Variants in ANAPC10 observed in about 807,000 individuals in gnomAD.
ANAPC10 encodes anaphase promoting complex subunit 10.
Under a neutral mutation model 22.0 loss-of-function variants are expected in ANAPC10, and 12 were observed. The observed-to-expected ratio is 0.55, with a 90% confidence interval of 0.35 to 0.88. The LOEUF (loss-of-function observed/expected upper bound fraction) is 0.88. Among genes scored for constraint, ANAPC10 ranks in the 40% least tolerant of loss-of-function variants. ANAPC10 has a pLI of 0.01. For missense variants in ANAPC10, 188 were observed against 220.9 expected, an observed-to-expected ratio of 0.85 and a Z score of 0.94; for synonymous variants, 65 against 69.5, an observed-to-expected ratio of 0.94 and a Z score of 0.32.
At chr4:145,026,073 A>C (rs553599403) in intron 4 of ANAPC10, among the ~76,000 whole-genome samples, 1 of 152,270 alleles carries the variant, frequency 6.6e-6, no homozygotes, top group South Asian at 2.1e-4. Context: ...CCTCTTGCTC[A>C]GCTACGAGAA....
At chr4:145,032,555 CG>C (rs2127065252) in intron 4 of ANAPC10, among the ~76,000 whole-genome samples, 1 of 152,272 alleles carries the variant, frequency 6.6e-6, no homozygotes, top group South Asian at 2.1e-4. Context: ...TAGGATGACC[CG>C]TTCTGTGGAC....
intron 4 of ANAPC10, among the ~76,000 whole-genome samples, chr4:145,026,745 G>T (rs902128588): frequency 2.9e-4 from 1 of 3,442 alleles, no homozygotes; most frequent in Non-Finnish European, 0.012. Flanking sequence ...CCAAAGAGAG[G>T]CAGTGAAGAA....
intron 4 of ANAPC10, among the ~76,000 whole-genome samples, chr4:145,029,317 G>T (rs747881365): frequency 1.3e-5 from 2 of 152,090 alleles, no homozygotes; most frequent in Non-Finnish European, 2.9e-5. Context: ...TGAGGTAGCT[G>T]CCAGGCAAGA....
At chr4:145,038,511 T>A (rs1195368623) in intron 4 of ANAPC10, among the ~76,000 whole-genome samples, 2 of 151,596 alleles carry the variant, frequency 1.3e-5, no homozygotes, top group Non-Finnish European at 2.9e-5. Flanking sequence ...AGACTCCGTC[T>A]CAAAGAAAAA....
chr4:145,064,008 A>G (rs1579081745), intron 4 of ANAPC10: 1 of 152,212 alleles, frequency 6.6e-6, no homozygotes, highest in South Asian at 2.1e-4. Context: ...GCGAACAGAT[A>G]TGATGGAATT....
At chr4:145,008,944 T>C (rs571692312) in intron 4 of ANAPC10, among the ~76,000 whole-genome samples, 4 of 152,210 alleles carry the variant, frequency 2.6e-5, no homozygotes, top group South Asian at 2.1e-4. Flanking sequence ...AAAACCCCAC[T>C]GTCTCAGCCC....
chr4:145,094,679 G>A (rs1358069202), intron 2 of ANAPC10, among the ~76,000 whole-genome samples: 3 of 152,124 alleles, frequency 2.0e-5, no homozygotes, highest in Non-Finnish European at 4.4e-5. Flanking sequence ...GAGTCTGCAG[G>A]TGAAAACTGC....
At chr4:145,057,308 A>T (rs901293009) in intron 4 of ANAPC10, among the ~76,000 whole-genome samples, 8 of 152,218 alleles carry the variant, frequency 5.3e-5, no homozygotes, top group Admixed American at 5.2e-4. Context: ...AAATTACATT[A>T]AGTAAACTGC....
chr4:145,032,208 C>T (rs1737692394), intron 4 of ANAPC10, among the ~76,000 whole-genome samples: 1 of 152,234 alleles, frequency 6.6e-6, no homozygotes, highest in Non-Finnish European at 1.5e-5. Flanking sequence ...TGCAGCACTA[C>T]AGCCCCTTTC....
chr4:145,048,214 A>T (rs1740612245), intron 4 of ANAPC10, among the ~76,000 whole-genome samples: 1 of 152,162 alleles, frequency 6.6e-6, no homozygotes, highest in South Asian at 2.1e-4. Flanking sequence ...ATATTAACTG[A>T]GCACCTATGT....
At chr4:145,066,959 G>A (rs938248664) in intron 3 of ANAPC10, among the ~76,000 whole-genome samples, 4 of 152,036 alleles carry the variant, frequency 2.6e-5, no homozygotes, top group African/African-American at 9.7e-5. Flanking sequence ...TAATAGGTAG[G>A]TGTCTGTAGT....
At chr4:145,023,041 C>T (rs1382738662) in intron 4 of ANAPC10, among the ~76,000 whole-genome samples, 1 of 151,596 alleles carries the variant, frequency 6.6e-6, no homozygotes, top group Admixed American at 6.6e-5. Context: ...TCAAAATACA[C>T]ACCAATAGTC....
At chr4:145,088,979 A>G (rs1407561887) in intron 2 of ANAPC10, among the ~76,000 whole-genome samples, 1 of 152,158 alleles carries the variant, frequency 6.6e-6, no homozygotes, top group Non-Finnish European at 1.5e-5. Context: ...CTTTGAACTA[A>G]CTTCCTGGTG....
chr4:145,008,879 C>G (rs532115249), intron 4 of ANAPC10, among the ~76,000 whole-genome samples: 50 of 151,986 alleles, frequency 3.3e-4, no homozygotes, highest in Non-Finnish European at 5.0e-4. Context: ...CATTCAATTA[C>G]GAAAAGAGGA....
chr4:145,044,396 T>A (rs1425616577), intron 4 of ANAPC10, among the ~76,000 whole-genome samples: 2 of 152,020 alleles, frequency 1.3e-5, no homozygotes, highest in East Asian at 3.9e-4. Context: ...TTTCAAAAAA[T>A]GTGTGTTTCT....
intron 2 of ANAPC10, among the ~76,000 whole-genome samples, chr4:145,092,544 C>A (rs1747834877): frequency 6.6e-6 from 1 of 152,140 alleles, no homozygotes; most frequent in African/African-American, 2.4e-5. Context: ...AATAATTTGA[C>A]AAAGACCAAA....
At chr4:145,075,995 C>G (rs1181920387) in intron 3 of ANAPC10, among the ~76,000 whole-genome samples, 10 of 152,314 alleles carry the variant, frequency 6.6e-5, no homozygotes, top group Admixed American at 6.5e-4. Flanking sequence ...GTCTGCCAGT[C>G]TCTCCCAGGG....
At chr4:145,086,554 G>A (rs67365433) in intron 2 of ANAPC10, among the ~76,000 whole-genome samples, 50,788 of 151,968 alleles carry the variant, frequency 0.33, 9,096 homozygotes, top group Middle Eastern at 0.41. Context: ...AGTTTATGTT[G>A]TGATAAATCC....
chr4:144,998,124 T>C (rs952488364), intron 4 of ANAPC10, among the ~76,000 whole-genome samples: 1 of 152,098 alleles, frequency 6.6e-6, no homozygotes, highest in East Asian at 1.9e-4. Flanking sequence ...TCCCACACAA[T>C]AATAATGGGA....
Sources: allele counts gnomAD v4.1 joint callset (sites outside exome capture counted in the v4.1 genomes callset), GRCh38; gene constraint gnomAD v4.1.1; transcripts MANE v1.5; gene names NCBI Gene and HGNC (gene_info 2026-07-23, HGNC 2026-07-21).